The following TRIM26 variants were observed in gnomAD, a reference collection of about 807,000 sequenced individuals.
The protein encoded by TRIM26 is tripartite motif containing 26.
In TRIM26, 16 loss-of-function variants were observed where a neutral mutation model predicts 45.5. The observed-to-expected ratio is 0.35, with a 90% CI of 0.24 to 0.53. The LOEUF (loss-of-function observed/expected upper bound fraction) is 0.53, where lower values mean the gene tolerates loss of function less well. Among genes scored for constraint, TRIM26 ranks in the 20% least tolerant of loss-of-function variants. TRIM26 has a pLI of 0.92. For missense variants in TRIM26, 442 were observed against 691.1 expected, an observed-to-expected ratio of 0.64 and a Z score of 4.04; for synonymous variants, 273 against 290.4, an observed-to-expected ratio of 0.94 and a Z score of 0.61.
At chr6:30,188,238 A>AAAAAG (rs41316752) in intron 9 of TRIM26, 10,080 of 195,952 alleles carry the variant, frequency 0.051, 806 homozygotes, top group African/African-American at 0.14. Context: ...AAAAAAAAAA[A>AAAAAG]AAAAGAAATT....
intron 1 of TRIM26, among the ~76,000 whole-genome samples, 193 bp from the exon 2 acceptor site, chr6:30,204,958 G>A (rs779099216): frequency 2.0e-5 from 3 of 151,898 alleles, no homozygotes; most frequent in Non-Finnish European, 2.9e-5. Context: ...TAAACCAGAA[G>A]CGGCCGGGCG....
chr6:30,184,505 T>A lies in TRIM26; in HGVS notation c.*1371A>T, dbSNP rs1441285186. The A allele has an allele frequency of 2.0e-5, 3 of 152,330 alleles. No individual in the cohort carries two copies. Among genetic ancestry groups the A allele is most frequent in the Admixed American group, 1.3e-4 (2 of 15,290 alleles). 9.4% of individuals were successfully genotyped at this position (152,330 alleles called of 1,614,324 possible). ...ACCTACTCTGTGCCCAGCACTGCAC[T>A]AGGTGCCATGAGAATACAAGAGTAG... is the stretch of plus-strand genomic sequence containing the variant. On this transcript the variant is annotated 3_prime_UTR_variant, in exon 10 of 10. Coordinates refer to ENST00000454678, the MANE Select transcript of TRIM26 (RefSeq NM_003449.5).
At chr6:30,208,922 G>C (rs1006312491) in intron 1 of TRIM26, among the ~76,000 whole-genome samples, 5 of 150,898 alleles carry the variant, frequency 3.3e-5, no homozygotes, top group Non-Finnish European at 5.9e-5. Flanking sequence ...GTGTGTGTGT[G>C]TGTGTGTGTG....
intron 9 of TRIM26, chr6:30,188,326 G>A (rs1775441777): frequency 5.6e-6 from 3 of 537,372 alleles, no homozygotes; most frequent in Admixed American, 6.9e-5. Context: ...CAGGGTCTCT[G>A]TAAACTGTTC....
At position 30,205,197 on chromosome 6, in the gene TRIM26, C is replaced by A. The variant is rs371411245; in HGVS notation, c.-375-432G>T. ...CGGAGGTTGCAGTGAGCTGAGATCA[C>A]GCCAATTGCACTCCAGCCTGGGCAA... is the stretch of plus-strand genomic sequence containing the variant. On this transcript the variant is annotated intron_variant, in intron 1 of 9. Transcript: ENST00000454678. Among the ~76,000 whole-genome samples the A allele has an allele frequency of 8.7e-4, 132 of 152,200 alleles. 2 individuals are homozygous for A. The highest frequency in any genetic ancestry group is 2.9e-3 in the African/African-American group (121 of 41,512).
At chr6:30,208,595 T>C (rs939118230) in intron 1 of TRIM26, among the ~76,000 whole-genome samples, 3 of 151,406 alleles carry the variant, frequency 2.0e-5, no homozygotes, top group Non-Finnish European at 4.4e-5. Flanking sequence ...GATTATGAGC[T>C]GATTTTACTT....
chr6:30,203,021 T>C (rs974286889), intron 2 of TRIM26, among the ~76,000 whole-genome samples: 6 of 150,916 alleles, frequency 4.0e-5, no homozygotes, highest in African/African-American at 1.2e-4. Context: ...TGTTAGATCA[T>C]ATTAAAAAAT....
chr6:30,201,449 G>T (rs150598010), intron 2 of TRIM26, among the ~76,000 whole-genome samples: 1 of 152,176 alleles, frequency 6.6e-6, no homozygotes, highest in Admixed American at 6.5e-5. Flanking sequence ...GACATAATGA[G>T]GGGAAAATCA....
At position 30,189,499 on chromosome 6, in the gene TRIM26, T is replaced by A; in HGVS notation, c.823A>T (p.Ile275Phe). ...GTCTTTTTTTTAACCACTCGAGCAATGGGTTTCCCAACCCAGAACTTCTTC... is the reference window on the plus strand; with the variant it reads ...GTCTTTTTTTTAACCACTCGAGCAAAGGGTTTCCCAACCCAGAACTTCTTC... ...PRKKFWVGKP[I>F]ARVVKKKTGE... Residue 275 changes from isoleucine (I) to phenylalanine (F), a missense_variant, in exon 8 of 10, where the codon ATT (isoleucine) becomes TTT (phenylalanine). Coordinates refer to ENST00000454678, the MANE Select transcript of TRIM26 (RefSeq NM_003449.5). This position sits in a 1 kb window ranked among gnomAD's most constrained non-coding sequence, Gnocchi z 5.0. 6.2e-7 allele frequency: 1 copy of A among 1,613,004 alleles called. No homozygotes were observed. Among genetic ancestry groups the A allele is most frequent in the Non-Finnish European group, 8.5e-7 (1 of 1,180,018 alleles).
intron 9 of TRIM26, chr6:30,187,538 T>C (rs528628467): frequency 2.0e-6 from 1 of 498,386 alleles, no homozygotes; most frequent in Non-Finnish European, 4.1e-6. Context: ...CAGTCCGACA[T>C]CTTTGAAGTA....
Position 30,186,042 on chromosome 6 carries a change from C to G in TRIM26, c.1454G>C (p.Arg485Pro), listed in dbSNP as rs147508131. ...SPEAELFPAL[R>P]PRRVGIALDY... ...CAGGGCGATGCCCACTCTCCGGGGC[C>G]GCAGTGCTGGGAAAAGCTCAGCCTC... Residue 485 changes from arginine to proline, a missense_variant, in exon 10 of 10, where the codon CGG (arginine) becomes CCG (proline). Transcript: ENST00000454678. The surrounding 1 kb of genome is among the most constrained non-coding windows in gnomAD (Gnocchi z 7.4). 2.0e-5 allele frequency: 32 copies of G among 1,605,084 alleles called. No homozygotes were observed. Among genetic ancestry groups the G allele is most frequent in the Non-Finnish European group, 2.7e-5 (32 of 1,176,324 alleles).
rs975617031 is a variant in TRIM26, at chr6:30,209,945, G to A, written c.-376+3360C>T. ...CAGGTGGCCGGGCACGGTGCCTCAC[G>A]CCTGTAATCCCAGCACTTTGGGAGG... On this transcript the variant is annotated intron_variant, in intron 1 of 9. Coordinates refer to ENST00000454678, the MANE Select transcript of TRIM26 (RefSeq NM_003449.5). The surrounding 1 kb of genome is among the most constrained non-coding windows in gnomAD (Gnocchi z 4.8). Among the ~76,000 whole-genome samples the A allele has an allele frequency of 4.6e-5, 7 of 152,092 alleles. No homozygotes were observed. The highest frequency in any genetic ancestry group is 1.7e-4 in the African/African-American group (7 of 41,408).
chr6:30,194,574 G>A (rs1204015201), intron 6 of TRIM26, among the ~76,000 whole-genome samples: 1 of 152,160 alleles, frequency 6.6e-6, no homozygotes, highest in African/African-American at 2.4e-5. Context: ...TATCACTCTA[G>A]GCCAGGCACA....
rs1776495813 is a variant in TRIM26 at position 30,196,633 on chromosome 6, C to A, written c.648G>T (p.Glu216Asp). ...TGAACTTCTCCCTGCCCTCCGTGAG[C>A]TCCTGCTCCAGCTTCGCCAGCTGTT... is the stretch of plus-strand genomic sequence containing the variant. Reference protein sequence around the residue: ...LLEQLAKLEQELTEGREKFKS... With the variant: ...LLEQLAKLEQDLTEGREKFKS... Residue 216 changes from glutamate to aspartate, a missense_variant, in exon 6 of 10, where the codon GAG becomes GAT. By Grantham distance (45) the Glu-to-Asp change is conservative. Coordinates refer to ENST00000454678, the MANE Select transcript of TRIM26 (RefSeq NM_003449.5). This position sits in a 1 kb window ranked among gnomAD's most constrained non-coding sequence, Gnocchi z 4.9. 1 of 1,614,080 alleles carries A rather than the reference C, an allele frequency of 6.2e-7. No individual in the cohort carries two copies. Among genetic ancestry groups the A allele is most frequent in the Non-Finnish European group, 8.5e-7 (1 of 1,180,056 alleles).
In TRIM26 at chr6:30,201,016, C is replaced by T. The variant is rs1446236882; in HGVS notation, c.-162+19G>A. 1 of 152,262 alleles carries T rather than the reference C, an allele frequency of 6.6e-6. No individual in the cohort carries two copies. The highest frequency in any genetic ancestry group is 1.5e-5 in the Non-Finnish European group (1 of 68,054). The allele number at this position is 152,262 out of a possible 1,614,324, so 9.4% of individuals were successfully genotyped here. On this transcript the variant is annotated intron_variant, in intron 3 of 9. Coordinates refer to ENST00000454678, the MANE Select transcript of TRIM26 (RefSeq NM_003449.5). The stretch of plus-strand genomic sequence containing the variant: ...ACACACGTGCTACAGAGTTCAACAA[C>T]ATCGTCACAGGGCAGTACCTGGAGG...
In TRIM26 at chr6:30,193,182, A is replaced by AT. The variant is rs59857727; in HGVS notation, c.766-3148dup. Among the ~76,000 whole-genome samples, 87 of 38,812 alleles carry AT rather than the reference A, an allele frequency of 2.2e-3. 3 individuals are homozygous for AT. Among genetic ancestry groups the AT allele is most frequent in the Admixed American group, 5.5e-3 (14 of 2,564 alleles). The allele number at this position is 38,812 out of a possible 152,430, so 25.5% of individuals were successfully genotyped here. On this transcript the variant is annotated intron_variant, in intron 6 of 9. Transcript: ENST00000454678. ...TGTGTGTATATATATATATATATAT[A>AT]TTTTTTTTTTTTTTTTTTTAATGGA...
At chr6:30,201,553 T>G (rs1439708497) in intron 2 of TRIM26, among the ~76,000 whole-genome samples, 2 of 152,056 alleles carry the variant, frequency 1.3e-5, no homozygotes, top group African/African-American at 4.8e-5. Context: ...CTGGTAGAAA[T>G]GCTAGGAATT....
At position 30,196,540 on chromosome 6, in the gene TRIM26, C is replaced by T; in HGVS notation, c.741G>A (p.Gln247=). 6.2e-7 allele frequency: 1 copy of T among 1,609,622 alleles called. No homozygotes were observed. Among genetic ancestry groups the T allele is most frequent in the Non-Finnish European group, 8.5e-7 (1 of 1,180,016 alleles). ...CCTGCATGAGCTCTGCAGCTGGCTG[C>T]TGCGCCTTGCCCTCCAGTTCGGAGA... ...LVISELEGKA[Q]QPAAELMQDT... Residue 247 remains glutamine, a synonymous_variant, in exon 6 of 10, where the codon CAG becomes CAA. Coordinates refer to ENST00000454678, the MANE Select transcript of TRIM26 (RefSeq NM_003449.5). This position sits in a 1 kb window ranked among gnomAD's most constrained non-coding sequence, Gnocchi z 4.9.
intron 3 of TRIM26, among the ~76,000 whole-genome samples, chr6:30,200,152 T>C (rs147165169): frequency 6.6e-6 from 1 of 152,254 alleles, no homozygotes; most frequent in Non-Finnish European, 1.5e-5. Flanking sequence ...TGTAGTAGCA[T>C]GCATCTGTAG....
Sources: gnomAD v4.1 joint callset for allele counts (sites outside exome capture counted in the v4.1 genomes callset) on GRCh38, gnomAD v4.1.1 for gene constraint, Gnocchi (gnomAD v3.1) non-coding constraint, MANE v1.5 for transcripts, NCBI Gene and HGNC (gene_info 2026-07-23, HGNC 2026-07-21) for gene names.